DDX50: variants seen among roughly 807,000 people sequenced by gnomAD.
DDX50 encodes the protein DExD-box helicase 50, also known as ATP-dependent RNA helicase DDX50.
A neutral mutation model predicts 94.8 loss-of-function variants in DDX50; 56 were observed. The ratio of observed to expected loss-of-function variants is 0.59; its 90% CI spans 0.48 to 0.74. The LOEUF is 0.74. Among genes scored for constraint, DDX50 ranks in the 30% least tolerant of loss-of-function variants. The probability of loss-of-function intolerance (pLI) is 0.00; values close to 1 mark genes in which losing one functional copy is unlikely to be tolerated. For synonymous variants in DDX50, 264 were observed against 295.4 expected (o/e 0.89, Z 1.09); for missense variants, 713 against 881.2 (o/e 0.81, Z 2.42).
intron 8 of DDX50, among the ~76,000 whole-genome samples, chr10:68,930,947 G>C (rs1399200639): frequency 6.6e-6 from 1 of 151,900 alleles, no homozygotes; most frequent in Non-Finnish European, 1.5e-5. Flanking sequence ...CCACCATGCT[G>C]GTCAGCTCTT....
chr10:68,923,198 TTAATATATA>T (rs1347374862), intron 8 of DDX50, among the ~76,000 whole-genome samples: 1 of 136,156 alleles, frequency 7.3e-6, no homozygotes, highest in East Asian at 2.0e-4. Flanking sequence ...ATTTATATAT[TTAATATATA>T]TAATATATAT....
intron 8 of DDX50, among the ~76,000 whole-genome samples, chr10:68,928,414 T>C (rs1027573169): frequency 8.5e-5 from 13 of 152,292 alleles, no homozygotes; most frequent in African/African-American, 2.9e-4. Flanking sequence ...CTTACATCTG[T>C]AATCCCAGCA....
chr10:68,913,725 A>C (rs375456019), intron 6 of DDX50, 149 bp downstream of exon 6: 1 of 736,218 alleles, frequency 1.4e-6, no homozygotes. Flanking sequence ...TGAAAAAGAA[A>C]GTATGATAGC....
At chr10:68,909,290 C>T (rs1351820060) in intron 2 of DDX50, among the ~76,000 whole-genome samples, 1 of 152,082 alleles carries the variant, frequency 6.6e-6, no homozygotes, top group Non-Finnish European at 1.5e-5. Context: ...ATAAAGCTTA[C>T]TGGGTAGACA....
intron 8 of DDX50, among the ~76,000 whole-genome samples, chr10:68,933,059 GT>G (rs1842312592): frequency 2.5e-3 from 7 of 2,774 alleles, no homozygotes; most frequent in Admixed American, 4.0e-3. Flanking sequence ...TTGCAACATT[GT>G]TTGTTTGTTT....
Position 68,946,653 on chromosome 10 carries a change from G to C in DDX50, c.*23G>C. ...TGAGTATTTGATAGTTAATCTACCA[G>C]TGTGAGCTTGCCTATTTCTGCCTAA... On this transcript the variant is annotated 3_prime_UTR_variant, in exon 15 of 15. Coordinates refer to ENST00000373585, the MANE Select transcript of DDX50 (RefSeq NM_024045.2). 6.3e-7 allele frequency: 1 copy of C among 1,599,996 alleles called. No homozygotes were observed. The highest frequency in any genetic ancestry group is 8.5e-7 in the Non-Finnish European group (1 of 1,171,204).
intron 12 of DDX50, among the ~76,000 whole-genome samples, chr10:68,940,201 C>T (rs1842522759): frequency 6.6e-6 from 1 of 151,708 alleles, no homozygotes; most frequent in Non-Finnish European, 1.5e-5. Flanking sequence ...CCAACCTGGG[C>T]AACCCCGTCT....
At chr10:68,917,366 A>G (rs2132034081) in intron 7 of DDX50, among the ~76,000 whole-genome samples, 1 of 152,180 alleles carries the variant, frequency 6.6e-6, no homozygotes, top group South Asian at 2.1e-4. Context: ...AGGCTGAGAA[A>G]GAAGAATCGC....
chr10:68,923,937 CTTTTTTTTTTTTT>C (rs56820953), intron 8 of DDX50, among the ~76,000 whole-genome samples: 3 of 42,410 alleles, frequency 7.1e-5, no homozygotes, highest in African/African-American at 2.1e-4. Context: ...AGATAGTCTG[CTTTTTTTTTTTTT>C]TTTTTTTTTT....
chr10:68,908,411 A>C (rs1564600451), intron 2 of DDX50, among the ~76,000 whole-genome samples: 1 of 141,046 alleles, frequency 7.1e-6, no homozygotes, highest in Non-Finnish European at 1.5e-5. Flanking sequence ...AGATTGCACC[A>C]TTGCACTCCA....
intron 8 of DDX50, among the ~76,000 whole-genome samples, chr10:68,924,803 G>A (rs1842037847): frequency 1.3e-5 from 2 of 151,978 alleles, no homozygotes; most frequent in Non-Finnish European, 2.9e-5. Context: ...CTCAGTATGG[G>A]GCTTTGTCCT....
chr10:68,919,377 T>A (rs966023115), intron 7 of DDX50, among the ~76,000 whole-genome samples: 31 of 152,190 alleles, frequency 2.0e-4, no homozygotes, highest in African/African-American at 7.5e-4. Context: ...TATCATCATA[T>A]CGAATATTGC....
At chr10:68,921,920 C>A (rs142690195) in intron 8 of DDX50, among the ~76,000 whole-genome samples, 1 of 152,074 alleles carries the variant, frequency 6.6e-6, no homozygotes, top group Non-Finnish European at 1.5e-5. Flanking sequence ...CTTTAAAAAT[C>A]GGTAGTTTTA....
intron 1 of DDX50, among the ~76,000 whole-genome samples, chr10:68,905,962 T>C (rs1410641027): frequency 6.6e-6 from 1 of 152,206 alleles, no homozygotes; most frequent in Non-Finnish European, 1.5e-5. Flanking sequence ...ACAGGTTCAC[T>C]ATCCCTTATC....
intron 12 of DDX50, among the ~76,000 whole-genome samples, chr10:68,940,856 A>G (rs558052036): frequency 1.3e-5 from 2 of 152,328 alleles, no homozygotes; most frequent in South Asian, 4.1e-4. Flanking sequence ...ATAGAGTCTT[A>G]CAGCAATACA....
At position 68,934,970 on chromosome 10, in the gene DDX50, G is replaced by A. The variant is rs931870813; in HGVS notation, c.1521+52G>A. 1.9e-6 allele frequency: 3 copies of A among 1,567,112 alleles called. No individual in the cohort carries two copies. The South Asian group carries it at 3.6e-5, about 19-fold the overall frequency. On this transcript the variant is annotated intron_variant, in intron 10 of 14. Transcript: ENST00000373585. The surrounding 1 kb of genome is among the most constrained non-coding windows in gnomAD (Gnocchi z 4.0). ...TTATTGTCTAAATGGTGCCTTAAAA[G>A]AGAGCTCTTCTTATATTTATTCTTA...
At chr10:68,946,127 AATAC>A (rs1842665724) in intron 14 of DDX50, among the ~76,000 whole-genome samples, 2 of 152,282 alleles carry the variant, frequency 1.3e-5, no homozygotes, top group African/African-American at 4.8e-5. Context: ...TGTAATTAGT[AATAC>A]ATAGTTTAAT....
At chr10:68,938,777 A>C (rs1002215494) in intron 12 of DDX50, among the ~76,000 whole-genome samples, 4 of 152,168 alleles carry the variant, frequency 2.6e-5, no homozygotes, top group African/African-American at 9.7e-5. Context: ...ACCTATTTGT[A>C]TGTATGTTTT....
chr10:68,922,798 T>C (rs961792520), intron 8 of DDX50, among the ~76,000 whole-genome samples: 10 of 145,484 alleles, frequency 6.9e-5, no homozygotes, highest in East Asian at 2.0e-4. Context: ...TTCTCTCTCT[T>C]TTTTTTTTTT....
Sources: gnomAD v4.1 joint callset for allele counts (sites outside exome capture counted in the v4.1 genomes callset) on GRCh38, gnomAD v4.1.1 for gene constraint, Gnocchi (gnomAD v3.1) non-coding constraint, MANE v1.5 for transcripts, NCBI Gene and HGNC (gene_info 2026-07-23, HGNC 2026-07-21) for gene names.